Variants in RNF115 observed in about 807,000 individuals in gnomAD.
RNF115 encodes ring finger protein 115.
RNF115 carries 31 observed loss-of-function variants against 39.2 expected under a neutral mutation model. That is an observed-to-expected ratio of 0.79 (90% CI 0.59 to 1.07). The LOEUF (loss-of-function observed/expected upper bound fraction) is 1.07, where lower values mean the gene tolerates loss of function less well. Ranked by LOEUF, RNF115 falls within the 50% of genes least tolerant of loss-of-function variation. RNF115 has a pLI of 0.00. For missense variants in RNF115, 384 were observed against 381.7 expected (o/e 1.01, Z -0.05); for synonymous variants, 124 against 131.0 (o/e 0.95, Z 0.37).
intron 1 of RNF115, among the ~76,000 whole-genome samples, chr1:145,790,980 A>G (rs1173965251): frequency 6.6e-6 from 1 of 151,780 alleles, no homozygotes; most frequent in African/African-American, 2.4e-5. Flanking sequence ...CATCTCTACT[A>G]AAAATGTAAA....
chr1:145,808,134 A>ATAG (rs1553721887), intron 1 of RNF115, among the ~76,000 whole-genome samples: 1 of 152,156 alleles, frequency 6.6e-6, no homozygotes, highest in African/African-American at 2.4e-5. Flanking sequence ...GCTGCTGTGA[A>ATAG]TAGTACTACA....
intron 4 of RNF115, among the ~76,000 whole-genome samples, chr1:145,757,188 C>A (rs186807892): frequency 7.1e-4 from 108 of 152,196 alleles, no homozygotes; most frequent in Non-Finnish European, 1.3e-3. Context: ...CCTTCCTGAT[C>A]CAGTGTGATC....
At chr1:145,802,677 C>CA (rs782795862) in intron 1 of RNF115, among the ~76,000 whole-genome samples, 25 of 151,616 alleles carry the variant, frequency 1.6e-4, no homozygotes, top group Non-Finnish European at 2.5e-4. Flanking sequence ...ATTAAAGTGT[C>CA]AAAAAAAAGA....
intron 2 of RNF115, among the ~76,000 whole-genome samples, chr1:145,784,828 G>A (rs1168342661): frequency 6.6e-6 from 1 of 152,096 alleles, no homozygotes; most frequent in Admixed American, 6.5e-5. Flanking sequence ...TGAAAAATTG[G>A]AGAAGCCACC....
intron 7 of RNF115, among the ~76,000 whole-genome samples, chr1:145,749,516 T>C (rs1280322533): frequency 6.6e-6 from 1 of 152,182 alleles, no homozygotes; most frequent in Non-Finnish European, 1.5e-5. Context: ...GCACCATGTT[T>C]ATAGTTACAA....
chr1:145,778,940 C>T (rs782283995), intron 3 of RNF115, among the ~76,000 whole-genome samples: 19 of 152,270 alleles, frequency 1.2e-4, no homozygotes, highest in Non-Finnish European at 2.6e-4. Context: ...GTAGGTCATC[C>T]TGTATAAACT....
chr1:145,771,645 T>G, intron 4 of RNF115, 66 bp downstream of exon 4: 1 of 1,296,106 alleles, frequency 7.7e-7, no homozygotes, highest in Non-Finnish European at 1.1e-6. Flanking sequence ...CTTATAAAGA[T>G]TAGATTATAC....
intron 1 of RNF115, among the ~76,000 whole-genome samples, chr1:145,807,312 C>T (rs1449293837): frequency 6.6e-6 from 1 of 152,114 alleles, no homozygotes; most frequent in Non-Finnish European, 1.5e-5. Context: ...ACGAGATAGA[C>T]CTATATTATA....
chr1:145,802,562 T>C (rs1649294831), intron 1 of RNF115, among the ~76,000 whole-genome samples: 1 of 152,186 alleles, frequency 6.6e-6, no homozygotes, highest in South Asian at 2.1e-4. Flanking sequence ...TCAAATGTAA[T>C]ATAAAGACTT....
chr1:145,784,592 A>C lies in RNF115; in HGVS notation c.166T>G (p.Leu56Val). ...IEEVTDDSSF[L>V]GGGGSRIDNT... ...TCTATCCGACTGCCGCCACCACCTA[A>C]AAAACTAAAGAGAAAAGGAATGAGT... The change falls in exon 3 of 9, where the codon TTA becomes GTA. Residue 56 changes from leucine to valine, a missense_variant. By Grantham distance (32) the Leu-to-Val change is conservative. Coordinates refer to ENST00000582693, the MANE Select transcript of RNF115 (RefSeq NM_014455.4). The C allele has an allele frequency of 6.2e-7, 1 of 1,613,832 alleles. No individual in the cohort carries two copies. Among genetic ancestry groups the C allele is most frequent in the East Asian group, 2.2e-5 (1 of 44,884 alleles).
chr1:145,816,845 T>C (rs1294528825), intron 1 of RNF115, among the ~76,000 whole-genome samples: 1 of 121,212 alleles, frequency 8.3e-6, no homozygotes, highest in Non-Finnish European at 1.9e-5. Flanking sequence ...CATAGCTCAC[T>C]GTAACCTCAA....
chr1:145,763,074 T>A (rs1026124913), intron 4 of RNF115, among the ~76,000 whole-genome samples: 1 of 152,184 alleles, frequency 6.6e-6, no homozygotes, highest in Admixed American at 6.5e-5. Context: ...GCTTAGGCCA[T>A]GGGATCATTA....
Position 145,817,693 on chromosome 1 carries a change from C to T in RNF115, c.102+6079G>A, listed in dbSNP as rs201342810. Among the ~76,000 whole-genome samples the T allele has an allele frequency of 1.5e-3, 118 of 78,016 alleles. 2 individuals are homozygous for T. The highest frequency in any genetic ancestry group is 6.2e-3 in the Middle Eastern group (1 of 162). The allele number at this position is 78,016 out of a possible 152,430, so 51.2% of individuals were successfully genotyped here. A position where few individuals can be genotyped will look rare whatever the true frequency, so the allele number is the denominator to read the frequency against. Reference sequence around the variant, plus strand: ...CTGGAATTTGGTGTACTGATTATTTCGTCACCCAGCAACTGACCATAGTAC... The same window carrying T: ...CTGGAATTTGGTGTACTGATTATTTTGTCACCCAGCAACTGACCATAGTAC... On this transcript the variant is annotated intron_variant, in intron 1 of 8. Transcript: ENST00000582693.
At position 145,809,488 on chromosome 1, in the gene RNF115, A is replaced by ATTTTTTTTTT. The variant is rs781918386; in HGVS notation, c.102+14274_102+14283dup. 2.3e-3 allele frequency among the ~76,000 whole-genome samples: 106 copies of ATTTTTTTTTT among 46,342 alleles called. 14 individuals carry two copies. Among genetic ancestry groups the ATTTTTTTTTT allele is most frequent in the East Asian group, 4.3e-3 (5 of 1,162 alleles). 30.4% of individuals were successfully genotyped at this position (46,342 alleles called of 152,430 possible). On this transcript the variant is annotated intron_variant, in intron 1 of 8. Transcript: ENST00000582693. ...GCGCCACTGCACCCAGACCCAGCTA[A>ATTTTTTTTTT]TTTTTTTTTTTTTTTTTTTTTGGAG...
chr1:145,764,827 GC>G (rs1553714523), intron 4 of RNF115, among the ~76,000 whole-genome samples: 1 of 150,254 alleles, frequency 6.7e-6, no homozygotes, highest in Non-Finnish European at 1.5e-5. Flanking sequence ...CCGGCCAGCC[GC>G]CCCGTCCGGG....
intron 4 of RNF115, among the ~76,000 whole-genome samples, chr1:145,756,237 G>A (rs781833289): frequency 7.9e-5 from 12 of 152,106 alleles, no homozygotes; most frequent in Non-Finnish European, 1.5e-4. Flanking sequence ...AAGGCAGGAG[G>A]ATCACTTGAG....
At chr1:145,747,572 G>A (rs1034819079) in intron 8 of RNF115, among the ~76,000 whole-genome samples, 1 of 152,142 alleles carries the variant, frequency 6.6e-6, no homozygotes, top group African/African-American at 2.4e-5. Flanking sequence ...GAAACCAGGA[G>A]GTAGAGGTTT....
intron 1 of RNF115, among the ~76,000 whole-genome samples, chr1:145,806,924 C>A (rs1190120994): frequency 1.3e-5 from 2 of 152,242 alleles, no homozygotes; most frequent in African/African-American, 4.8e-5. Context: ...CCTGCCTCAG[C>A]CTCCTGAGCA....
intron 2 of RNF115, 142 bp downstream of exon 2, chr1:145,788,766 T>G (rs1553718491): frequency 1.4e-6 from 1 of 733,984 alleles, no homozygotes; most frequent in Admixed American, 2.0e-5. Flanking sequence ...TTGTGCAAGC[T>G]CATGCACTCA....
Sources: gnomAD v4.1 joint callset for allele counts (sites outside exome capture counted in the v4.1 genomes callset) on GRCh38, gnomAD v4.1.1 for gene constraint, MANE v1.5 for transcripts, NCBI Gene and HGNC (gene_info 2026-07-23, HGNC 2026-07-21) for gene names.